Variants in MAT1A observed in about 807,000 individuals in gnomAD.
MAT1A encodes the protein S-adenosylmethionine synthase isoform type-1.
Under a neutral mutation model 44.0 loss-of-function variants are expected in MAT1A, and 19 were observed. That is an observed-to-expected ratio of 0.43 (90% CI 0.30 to 0.63). MAT1A has a LOEUF of 0.63. MAT1A is among the 30% of genes least tolerant of loss of function. MAT1A has a pLI of 0.12. For missense variants in MAT1A, 397 were observed against 531.0 expected, an observed-to-expected ratio of 0.75 and a Z score of 2.48; for synonymous variants, 205 against 205.6, an observed-to-expected ratio of 1.00 and a Z score of 0.03.
intron 6 of MAT1A, chr10:80,275,427 C>A (rs1841474311): frequency 3.4e-6 from 2 of 592,508 alleles, no homozygotes; most frequent in Non-Finnish European, 6.0e-6. Context: ...TTAGCAAGTG[C>A]AGAAGGTGGG....
chr10:80,278,176 G>C (rs2132703984), intron 5 of MAT1A, among the ~76,000 whole-genome samples: 1 of 152,310 alleles, frequency 6.6e-6, no homozygotes, highest in South Asian at 2.1e-4. Flanking sequence ...CCTGTGGCAG[G>C]GAAGTGAGGC....
At chr10:80,275,252 G>A (rs1841470975) in intron 6 of MAT1A, 53 bp from the exon 7 acceptor site, 1 of 1,495,082 alleles carries the variant, frequency 6.7e-7, no homozygotes, top group South Asian at 1.2e-5. Flanking sequence ...CTAGATGCTG[G>A]AGGGGGCTGA....
intron 5 of MAT1A, among the ~76,000 whole-genome samples, chr10:80,276,801 C>T (rs1841492080): frequency 6.6e-6 from 1 of 152,192 alleles, no homozygotes; most frequent in Non-Finnish European, 1.5e-5. Context: ...GGGTGTAAGG[C>T]CCAGCTATTC....
At chr10:80,273,945 C>T (rs1001185428) in intron 8 of MAT1A, 62 bp from the exon 9 acceptor site, 2 of 1,213,584 alleles carry the variant, frequency 1.6e-6, no homozygotes, top group East Asian at 2.3e-5. Flanking sequence ...TTTCTTTCTC[C>T]ATTTCAAGGA....
chr10:80,287,027 C>T (rs1434691776), intron 1 of MAT1A, among the ~76,000 whole-genome samples: 1 of 152,234 alleles, frequency 6.6e-6, no homozygotes, highest in East Asian at 1.9e-4. Flanking sequence ...CCTCTACACA[C>T]TTCTACCACT....
intron 1 of MAT1A, among the ~76,000 whole-genome samples, chr10:80,288,792 A>G (rs1841682097): frequency 6.6e-6 from 1 of 152,180 alleles, no homozygotes; most frequent in Admixed American, 6.5e-5. Context: ...TAAAAAAAAA[A>G]TACATATAAA....
In MAT1A at chr10:80,280,242, G is replaced by A; in HGVS notation, c.480C>T (p.Leu160=). ...GCCTGAGGTCTGCCATCCGGGCGTT[G>A]AGCTTGTGAGCAAGGATGATGGTGA... The part of the protein sequence containing the change: ...MPLTIILAHK[L]NARMADLRRS... The change falls in exon 5 of 9, where the codon CTC becomes CTT. Residue 160 remains leucine, a synonymous_variant. Transcript: ENST00000372213. 1.9e-6 allele frequency: 3 copies of A among 1,614,106 alleles called. No individual in the cohort carries two copies. The highest frequency in any genetic ancestry group is 2.5e-6 in the Non-Finnish European group (3 of 1,180,024).
chr10:80,286,198 A>G (rs1339796466), intron 1 of MAT1A, among the ~76,000 whole-genome samples: 1 of 152,150 alleles, frequency 6.6e-6, no homozygotes, highest in Non-Finnish European at 1.5e-5. Flanking sequence ...TTCTAAATAA[A>G]AAATCTCTCA....
chr10:80,275,021 ACAAG>A lies in MAT1A; in HGVS notation c.943_946del (p.Leu315SerfsTer51). 1 of 1,552,138 alleles carries A rather than the reference ACAAG, an allele frequency of 6.4e-7. No homozygotes were observed. Among genetic ancestry groups the A allele is most frequent in the Non-Finnish European group, 8.7e-7 (1 of 1,148,316 alleles). ...TGGTGGGTGGAGGGGGCTTACCTGG[ACAAG>A]CACTCTCCGGCAGAGCCCTGCTTTC... is the stretch of plus-strand genomic sequence containing the variant. On this transcript the variant is annotated frameshift_variant, in exon 7 of 9. Transcript: ENST00000372213. LOFTEE classifies it high-confidence loss of function.
chr10:80,279,005 T>C (rs1052905863), intron 5 of MAT1A, among the ~76,000 whole-genome samples: 3 of 152,006 alleles, frequency 2.0e-5, no homozygotes, highest in Admixed American at 1.3e-4. Flanking sequence ...TAAGCAAAGA[T>C]GGTGTGGGGC....
At chr10:80,285,359 A>C (rs1053004527) in intron 2 of MAT1A, among the ~76,000 whole-genome samples, 153 bp downstream of exon 2, 8 of 152,230 alleles carry the variant, frequency 5.3e-5, no homozygotes, top group Admixed American at 1.3e-4. Flanking sequence ...CTGTTACTAC[A>C]CAGGGGAGGT....
Position 80,289,543 on chromosome 10 carries a change from A to G in MAT1A, c.-120T>C. 1 of 770,660 alleles carries G rather than the reference A, an allele frequency of 1.3e-6. No homozygotes were observed. Among genetic ancestry groups the G allele is most frequent in the Non-Finnish European group, 2.3e-6 (1 of 439,386 alleles). The allele number at this position is 770,660 out of a possible 1,614,324, so 47.7% of individuals were successfully genotyped here. A position where few individuals can be genotyped will look rare whatever the true frequency, so the allele number is the denominator to read the frequency against. On this transcript the variant is annotated 5_prime_UTR_variant, in exon 1 of 9. Coordinates refer to ENST00000372213, the MANE Select transcript of MAT1A (RefSeq NM_000429.3). ...AACCCAACAGGCTTGTCTTTGGCAGAGCCACGGGGATCACTTCTGCCTAAC... is the reference window on the plus strand; with the variant it reads ...AACCCAACAGGCTTGTCTTTGGCAGGGCCACGGGGATCACTTCTGCCTAAC...
rs1311816359 is a variant in MAT1A at position 80,275,082 on chromosome 10, A to G, written c.886T>C (p.Tyr296His). ...GACTTGGCCACCCAGCGGGCAGCAT[A>G]TGCAGCTGAGCGGTCTACCTTGGTG... ...DYTKVDRSAA[Y>H]AARWVAKSLV... The change falls in exon 7 of 9, where the codon TAT (tyrosine) becomes CAT (histidine). Residue 296 changes from tyrosine to histidine, a missense_variant. Transcript: ENST00000372213. 1 of 1,588,110 alleles carries G rather than the reference A, an allele frequency of 6.3e-7. No individual in the cohort carries two copies. The highest frequency in any genetic ancestry group is 1.8e-4 in the Middle Eastern group (1 of 5,712).
Position 80,272,040 on chromosome 10 carries a change from A to G in MAT1A, c.*1741T>C, listed in dbSNP as rs1841416133. The G allele has an allele frequency of 6.6e-6, 1 of 152,152 alleles. No homozygotes were observed. Among genetic ancestry groups the G allele is most frequent in the Non-Finnish European group, 1.5e-5 (1 of 68,018 alleles). 9.4% of individuals were successfully genotyped at this position (152,152 alleles called of 1,614,324 possible). A position where few individuals can be genotyped will look rare whatever the true frequency, so the allele number is the denominator to read the frequency against. ...CATGGGAAGGAATCTGAGGCTTCCTAGGTGACCAGGAGCCGGGCTTCTTTT... is the reference window on the plus strand; with the variant it reads ...CATGGGAAGGAATCTGAGGCTTCCTGGGTGACCAGGAGCCGGGCTTCTTTT... On this transcript the variant is annotated 3_prime_UTR_variant, in exon 9 of 9. Coordinates refer to ENST00000372213, the MANE Select transcript of MAT1A (RefSeq NM_000429.3).
chr10:80,289,374 ACT>A lies in MAT1A; in HGVS notation c.48_49del (p.Val17LeufsTer15). 1 of 1,613,590 alleles carries A rather than the reference ACT, an allele frequency of 6.2e-7. No homozygotes were observed. The highest frequency in any genetic ancestry group is 8.5e-7 in the Non-Finnish European group (1 of 1,179,914). ...CACAGACTCCGATGTGAACATGAAG[ACT>A]CCTTCACTTAGAGAGTGGTCACACA... On this transcript the variant is annotated frameshift_variant, in exon 1 of 9. Coordinates refer to ENST00000372213, the MANE Select transcript of MAT1A (RefSeq NM_000429.3). LOFTEE classifies it high-confidence loss of function.
rs567301024 is a variant in MAT1A, at chr10:80,280,382, C to T, written c.406-66G>A. On this transcript the variant is annotated intron_variant, in intron 4 of 8. Coordinates refer to ENST00000372213, the MANE Select transcript of MAT1A (RefSeq NM_000429.3). ...CAAGAGGACCGCAGCTCTCTCCAAG[C>T]CTGAAATCTCCCTGGTGTGTCCACG... 5.6e-6 allele frequency: 9 copies of T among 1,593,124 alleles called. No individual in the cohort carries two copies. In the East Asian group the frequency reaches 1.8e-4, roughly 32 times the overall value.
chr10:80,285,243 G>C (rs1841633139), intron 2 of MAT1A, among the ~76,000 whole-genome samples: 1 of 152,214 alleles, frequency 6.6e-6, no homozygotes, highest in Admixed American at 6.5e-5. Flanking sequence ...GAAAGGCCAT[G>C]TGCTGGTCCA....
intron 2 of MAT1A, among the ~76,000 whole-genome samples, chr10:80,285,125 T>C (rs1279248058): frequency 2.6e-5 from 4 of 152,216 alleles, no homozygotes; most frequent in Non-Finnish European, 5.9e-5. Flanking sequence ...AGGATGCAGC[T>C]TATAACCATC....
chr10:80,283,786 A>C, intron 3 of MAT1A, 130 bp downstream of exon 3: 4 of 1,394,216 alleles, frequency 2.9e-6, no homozygotes, highest in Non-Finnish European at 4.1e-6. Context: ...CTGACAGACA[A>C]GTGTAGGAGT....
Sources: gnomAD v4.1 joint callset for allele counts (sites outside exome capture counted in the v4.1 genomes callset) on GRCh38, gnomAD v4.1.1 for gene constraint, MANE v1.5 for transcripts, NCBI Gene and HGNC (gene_info 2026-07-23, HGNC 2026-07-21) for gene names.